ERC2: variants seen among roughly 807,000 people sequenced by gnomAD.
The protein encoded by ERC2 is ELKS/RAB6-interacting/CAST family member 2.
In ERC2, 42 loss-of-function variants were observed where a neutral mutation model predicts 114.8. The ratio of observed to expected loss-of-function variants is 0.37; its 90% confidence interval spans 0.29 to 0.47. ERC2 has a LOEUF of 0.47. Among genes scored for constraint, ERC2 ranks in the 20% least tolerant of loss-of-function variants. The pLI is 0.99. For missense variants in ERC2, 939 were observed against 1,150.7 expected (o/e 0.82, Z 2.66); for synonymous variants, 454 against 425.5 (o/e 1.07, Z -0.82).
intron 17 of ERC2, among the ~76,000 whole-genome samples, chr3:55,624,285 G>A (rs768641188): frequency 2.0e-5 from 3 of 152,222 alleles, no homozygotes; most frequent in South Asian, 2.1e-4. Flanking sequence ...ATAAAACTGC[G>A]CAGGGGGGCC....
At chr3:55,574,639 G>C (rs1234197845) in intron 17 of ERC2, among the ~76,000 whole-genome samples, 2 of 152,154 alleles carry the variant, frequency 1.3e-5, no homozygotes, top group Non-Finnish European at 2.9e-5. Flanking sequence ...TGTGCATTGA[G>C]GACAAGAGTC....
intron 2 of ERC2, among the ~76,000 whole-genome samples, chr3:56,307,537 T>A (rs1411676213): frequency 6.6e-6 from 1 of 152,152 alleles, no homozygotes; most frequent in East Asian, 1.9e-4. Flanking sequence ...CACTGTGTGT[T>A]CCTCTAGACA....
At chr3:55,946,774 G>A (rs951367472) in intron 13 of ERC2, among the ~76,000 whole-genome samples, 3 of 152,004 alleles carry the variant, frequency 2.0e-5, no homozygotes, top group Admixed American at 2.0e-4. Flanking sequence ...CCTTGTCAAT[G>A]CTCCAAAAAA....
At chr3:55,901,777 T>C (rs557986586) in intron 13 of ERC2, among the ~76,000 whole-genome samples, 22 of 152,348 alleles carry the variant, frequency 1.4e-4, no homozygotes, top group African/African-American at 5.3e-4. Context: ...TCCCATACTC[T>C]GAAGGAAGAA....
rs113726347 is a variant in ERC2, at chr3:55,771,502, T to C, written c.2565-36584A>G. On this transcript the variant is annotated intron_variant, in intron 14 of 17. Coordinates refer to ENST00000288221, the MANE Select transcript of ERC2 (RefSeq NM_015576.3). ...GTTAGTAAGAAGTAAAGCTAGGACT[T>C]GAACCCAGGTCTGTTTATCTCCAAA... Among the ~76,000 whole-genome samples the C allele has an allele frequency of 1.0e-3, 152 of 152,318 alleles. 1 individual carries two copies. Among genetic ancestry groups the C allele is most frequent in the African/African-American group, 3.6e-3 (150 of 41,562 alleles).
At chr3:55,854,384 G>T (rs940523822) in intron 14 of ERC2, among the ~76,000 whole-genome samples, 3 of 151,272 alleles carry the variant, frequency 2.0e-5, no homozygotes, top group Non-Finnish European at 2.9e-5. Flanking sequence ...GTTTTGTTTT[G>T]GTTTTGGTTT....
chr3:55,883,925 CAA>C (rs199822439), intron 14 of ERC2, among the ~76,000 whole-genome samples: 2,837 of 151,230 alleles, frequency 0.019, 63 homozygotes, highest in African/African-American at 0.053. Flanking sequence ...ACAACAACAA[CAA>C]CACCACAAAA....
intron 17 of ERC2, among the ~76,000 whole-genome samples, chr3:55,568,395 A>G (rs761687887): frequency 1.2e-4 from 18 of 152,198 alleles, no homozygotes; most frequent in Admixed American, 3.3e-4. Flanking sequence ...CAAAATTAAT[A>G]TGTCCAAACC....
At chr3:56,461,498 C>A (rs2063317617) in intron 1 of ERC2, among the ~76,000 whole-genome samples, 1 of 152,118 alleles carries the variant, frequency 6.6e-6, no homozygotes, top group Admixed American at 6.5e-5. Context: ...CACTGGAAAT[C>A]AAATATTCTA....
chr3:56,197,756 C>T (rs978267358), intron 3 of ERC2, among the ~76,000 whole-genome samples: 1 of 152,218 alleles, frequency 6.6e-6, no homozygotes, highest in African/African-American at 2.4e-5. Flanking sequence ...TCACAATTCA[C>T]TATTTCCTCA....
intron 2 of ERC2, among the ~76,000 whole-genome samples, chr3:56,307,893 T>G (rs2056325197): frequency 6.6e-6 from 1 of 152,000 alleles, no homozygotes; most frequent in Non-Finnish European, 1.5e-5. Flanking sequence ...GTTTCTAATT[T>G]TCATAATGAA....
chr3:55,556,535 C>A (rs1156777328), intron 17 of ERC2, among the ~76,000 whole-genome samples: 1 of 152,180 alleles, frequency 6.6e-6, no homozygotes, highest in Non-Finnish European at 1.5e-5. Flanking sequence ...CTCTGGCCTG[C>A]AGTGATTCAA....
chr3:56,036,653 T>G (rs774154125), intron 7 of ERC2, among the ~76,000 whole-genome samples: 15 of 152,160 alleles, frequency 9.9e-5, no homozygotes, highest in Non-Finnish European at 1.6e-4. Flanking sequence ...GACGGCCCAC[T>G]GGGAGCTGCA....
intron 12 of ERC2, among the ~76,000 whole-genome samples, chr3:55,974,162 A>C (rs1041200092): frequency 6.6e-6 from 1 of 152,136 alleles, no homozygotes; most frequent in African/African-American, 2.4e-5. Flanking sequence ...AATAAAAAAC[A>C]CCTAAGCTCT....
At chr3:56,093,559 T>A (rs2149789809) in intron 6 of ERC2, among the ~76,000 whole-genome samples, 1 of 152,272 alleles carries the variant, frequency 6.6e-6, no homozygotes, top group African/African-American at 2.4e-5. Context: ...ACCTCAGCCA[T>A]ACCAGTTTGT....
At chr3:55,846,072 T>C (rs1228437033) in intron 14 of ERC2, among the ~76,000 whole-genome samples, 2 of 152,244 alleles carry the variant, frequency 1.3e-5, no homozygotes, top group Non-Finnish European at 2.9e-5. Context: ...AGGGATTTAT[T>C]GTACAGATTA....
At chr3:55,962,363 C>A (rs2068446288) in intron 12 of ERC2, among the ~76,000 whole-genome samples, 1 of 152,234 alleles carries the variant, frequency 6.6e-6, no homozygotes, top group African/African-American at 2.4e-5. Flanking sequence ...AACTACTTAA[C>A]TTTGCCTCTA....
chr3:55,823,234 A>C (rs1301301494), intron 14 of ERC2, among the ~76,000 whole-genome samples: 4 of 152,078 alleles, frequency 2.6e-5, no homozygotes, highest in African/African-American at 4.8e-5. Context: ...ATTTGAAGTG[A>C]CCTCAGAGAG....
At position 55,984,596 on chromosome 3, in the gene ERC2, C is replaced by A. The variant is rs74861979; in HGVS notation, c.2267+1381G>T. Reference sequence around the variant, plus strand: ...CCTTCCCCATCCCACCCTTCCCTACCGCCCATTATGATGTCTGTGTTTCTG... The same window carrying A: ...CCTTCCCCATCCCACCCTTCCCTACAGCCCATTATGATGTCTGTGTTTCTG... On this transcript the variant is annotated intron_variant, in intron 12 of 17. Coordinates refer to ENST00000288221, the MANE Select transcript of ERC2 (RefSeq NM_015576.3). Among the ~76,000 whole-genome samples the A allele has an allele frequency of 0.015, 2,224 of 152,228 alleles. 96 individuals are homozygous for A. The East Asian group carries it at 0.17, about 12-fold the overall frequency.
Sources: gnomAD v4.1 joint callset for allele counts (sites outside exome capture counted in the v4.1 genomes callset) on GRCh38, gnomAD v4.1.1 for gene constraint, MANE v1.5 for transcripts, NCBI Gene and HGNC (gene_info 2026-07-23, HGNC 2026-07-21) for gene names.